VSNL1: variants seen among roughly 807,000 people sequenced by gnomAD.
VSNL1 encodes the protein visinin-like protein 1.
Under a neutral mutation model 20.4 loss-of-function variants are expected in VSNL1, and 6 were observed. The ratio of observed to expected loss-of-function variants is 0.29; its 90% CI spans 0.16 to 0.58. The LOEUF (loss-of-function observed/expected upper bound fraction) is 0.58. VSNL1 is among the 20% of genes least tolerant of loss of function. The pLI, the probability that VSNL1 is intolerant of heterozygous loss-of-function variation, is 0.90. For synonymous variants in VSNL1, 93 were observed against 86.4 expected (o/e 1.08, Z -0.42); for missense variants, 100 against 234.5 (o/e 0.43, Z 3.75).
chr2:17,543,557 C>A (rs1663341175), intron 1 of VSNL1, among the ~76,000 whole-genome samples: 1 of 152,174 alleles, frequency 6.6e-6, no homozygotes, highest in Non-Finnish European at 1.5e-5. Context: ...CTCCAGCCTT[C>A]CTGGAAATCC....
intron 1 of VSNL1, among the ~76,000 whole-genome samples, chr2:17,567,912 A>T (rs1663990693): frequency 1.3e-5 from 2 of 152,126 alleles, no homozygotes; most frequent in Admixed American, 1.3e-4. Context: ...CCCCTGCTTG[A>T]TAGTGATATT....
intron 2 of VSNL1, among the ~76,000 whole-genome samples, chr2:17,595,633 AGAATGGGACTGTATTTGCAGACAGATCCT>A: frequency 6.6e-6 from 1 of 152,198 alleles, no homozygotes; most frequent in Non-Finnish European, 1.5e-5. Context: ...CCAGTACCTC[AGAATGGGACTGTATTTGCAGACAGATCCT>A]TTACAGAGGT....
chr2:17,617,687 C>G (rs181618787), intron 2 of VSNL1, among the ~76,000 whole-genome samples: 1 of 151,916 alleles, frequency 6.6e-6, no homozygotes, highest in Admixed American at 6.6e-5. Context: ...GGGTGGTGAC[C>G]GCATCACACA....
At chr2:17,653,974 C>T (rs1255024339) in intron 3 of VSNL1, among the ~76,000 whole-genome samples, 1 of 152,226 alleles carries the variant, frequency 6.6e-6, no homozygotes, top group East Asian at 1.9e-4. Context: ...AATGGAATCA[C>T]ATAACATGTG....
rs566509097 is a variant in VSNL1, at chr2:17,631,840, C to T, written c.163-17570C>T. 2.0e-5 allele frequency among the ~76,000 whole-genome samples: 3 copies of T among 152,326 alleles called. No individual in the cohort carries two copies. The South Asian group carries it at 6.2e-4, about 32-fold the overall frequency. ...TAAACATGAAGAATGCAGAACCATA[C>T]ACAGGTACATACTTAATGACTAGAA... is the stretch of plus-strand genomic sequence containing the variant. On this transcript the variant is annotated intron_variant, in intron 2 of 3. Coordinates refer to ENST00000295156, the MANE Select transcript of VSNL1 (RefSeq NM_003385.5).
At chr2:17,585,798 T>C (rs62132081) in intron 1 of VSNL1, among the ~76,000 whole-genome samples, 1 of 151,626 alleles carries the variant, frequency 6.6e-6, no homozygotes, top group Non-Finnish European at 1.5e-5. Context: ...GATCTTGGAA[T>C]TCTTTTTTTC....
chr2:17,617,286 G>A (rs1018392507), intron 2 of VSNL1, among the ~76,000 whole-genome samples: 1 of 152,154 alleles, frequency 6.6e-6, no homozygotes, highest in African/African-American at 2.4e-5. Context: ...CCTGAGGTCA[G>A]GAGTTCAAGA....
At chr2:17,567,974 T>G (rs1008176107) in intron 1 of VSNL1, among the ~76,000 whole-genome samples, 2 of 152,178 alleles carry the variant, frequency 1.3e-5, no homozygotes, top group Non-Finnish European at 2.9e-5. Flanking sequence ...TTTACCTCTC[T>G]TTTCAAAAGT....
rs773825959 is a variant in VSNL1, at chr2:17,655,418, C to G, written c.*24C>G. On this transcript the variant is annotated 3_prime_UTR_variant, in exon 4 of 4. Coordinates refer to ENST00000295156, the MANE Select transcript of VSNL1 (RefSeq NM_003385.5). The surrounding 1 kb of genome is among the most constrained non-coding windows in gnomAD (Gnocchi z 5.2). The stretch of plus-strand genomic sequence containing the variant: ...GAGCTGATGTCAATGCTATGGACTG[C>G]ACAAAAGTCTCAATGTTCCATTCAG... 1.3e-6 allele frequency: 2 copies of G among 1,578,918 alleles called. No individual in the cohort carries two copies. The highest frequency in any genetic ancestry group is 2.2e-5 in the South Asian group (2 of 90,434).
chr2:17,559,350 A>G (rs888311018), intron 1 of VSNL1, among the ~76,000 whole-genome samples: 2 of 152,030 alleles, frequency 1.3e-5, no homozygotes, highest in Admixed American at 1.3e-4. Flanking sequence ...TTAAGATACA[A>G]TAAATATTTA....
chr2:17,637,489 C>A (rs1279091185), intron 2 of VSNL1, among the ~76,000 whole-genome samples: 2 of 152,156 alleles, frequency 1.3e-5, no homozygotes, highest in Non-Finnish European at 2.9e-5. Flanking sequence ...GCTGCCCCCA[C>A]AACACCACAA....
At chr2:17,574,730 A>G (rs912470338) in intron 1 of VSNL1, among the ~76,000 whole-genome samples, 6 of 152,148 alleles carry the variant, frequency 3.9e-5, no homozygotes, top group African/African-American at 1.4e-4. Flanking sequence ...GAGCCTTGCC[A>G]CTTATGGAAG....
chr2:17,561,870 CT>C (rs1315592838), intron 1 of VSNL1, among the ~76,000 whole-genome samples: 1 of 151,992 alleles, frequency 6.6e-6, no homozygotes, highest in Admixed American at 6.6e-5. Flanking sequence ...AGTATCTATT[CT>C]TTTTTTTGGT....
chr2:17,617,889 GCACACACACA>G (rs70961501), intron 2 of VSNL1, among the ~76,000 whole-genome samples: 1 of 149,660 alleles, frequency 6.7e-6, no homozygotes, highest in African/African-American at 2.5e-5. Context: ...ACATGCACGC[GCACACACACA>G]CACACACACA....
intron 2 of VSNL1, among the ~76,000 whole-genome samples, chr2:17,644,728 T>C (rs1444455918): frequency 1.3e-5 from 2 of 152,226 alleles, no homozygotes; most frequent in Non-Finnish European, 1.5e-5. Flanking sequence ...AAGGACCTGC[T>C]TAGAGCCTTG....
chr2:17,569,848 A>T (rs960728480), intron 1 of VSNL1, among the ~76,000 whole-genome samples: 3 of 152,210 alleles, frequency 2.0e-5, no homozygotes, highest in African/African-American at 7.2e-5. Flanking sequence ...ACCATTTTAG[A>T]ATTTGTAATT....
At chr2:17,631,464 T>C (rs965074535) in intron 2 of VSNL1, among the ~76,000 whole-genome samples, 11 of 152,180 alleles carry the variant, frequency 7.2e-5, no homozygotes, top group African/African-American at 2.7e-4. Context: ...TCAGAGGCAA[T>C]GTAAAGGGTG....
chr2:17,545,229 ATTTC>A (rs1175291057), intron 1 of VSNL1, among the ~76,000 whole-genome samples: 1 of 152,092 alleles, frequency 6.6e-6, no homozygotes, highest in Non-Finnish European at 1.5e-5. Flanking sequence ...CACAATTAAC[ATTTC>A]TTTAAGTATC....
At chr2:17,601,637 A>G (rs1202341343) in intron 2 of VSNL1, among the ~76,000 whole-genome samples, 1 of 142,468 alleles carries the variant, frequency 7.0e-6, no homozygotes, top group Non-Finnish European at 1.5e-5. Context: ...CTCCATCTCA[A>G]AAAAATAAAT....
Sources: gnomAD v4.1 joint callset for allele counts (sites outside exome capture counted in the v4.1 genomes callset) on GRCh38, gnomAD v4.1.1 for gene constraint, Gnocchi (gnomAD v3.1) non-coding constraint, MANE v1.5 for transcripts, NCBI Gene and HGNC (gene_info 2026-07-23, HGNC 2026-07-21) for gene names.